The following TSNARE1 variants were observed in gnomAD, a reference collection of about 807,000 sequenced individuals.
The protein encoded by TSNARE1 is t-SNARE domain containing 1, also known as t-SNARE domain-containing protein 1.
Under a neutral mutation model 62.0 loss-of-function variants are expected in TSNARE1, and 49 were observed. That is an observed-to-expected ratio of 0.79 (90% CI 0.63 to 1.00). The LOEUF (loss-of-function observed/expected upper bound fraction) is 1.00. Ranked by LOEUF, TSNARE1 falls within the 50% of genes least tolerant of loss-of-function variation. TSNARE1 has a pLI of 0.00. For synonymous variants in TSNARE1, 328 were observed against 294.4 expected, an observed-to-expected ratio of 1.11 and a Z score of -1.17; for missense variants, 755 against 700.1, an observed-to-expected ratio of 1.08 and a Z score of -0.88.
chr8:142,245,821 G>A (rs56720406), intron 12 of TSNARE1, among the ~76,000 whole-genome samples: 2,651 of 152,210 alleles, frequency 0.017, 69 homozygotes, highest in African/African-American at 0.054. Context: ...GGGTTAGGAG[G>A]TGGTTCATAG....
chr8:142,255,742 GTCACCATCACCACCACCA>G (rs1818445602), intron 12 of TSNARE1, among the ~76,000 whole-genome samples: 1 of 1,464 alleles, frequency 6.8e-4, no homozygotes, highest in Non-Finnish European at 2.0e-3. Context: ...CACCACCACT[GTCACCATCACCACCACCA>G]TCACCATCAC....
At chr8:142,295,106 C>T (rs886310246) in intron 10 of TSNARE1, among the ~76,000 whole-genome samples, 3 of 152,202 alleles carry the variant, frequency 2.0e-5, no homozygotes, top group Non-Finnish European at 4.4e-5. Flanking sequence ...GGAGTGAGTA[C>T]ACAGTGGAGA....
intron 9 of TSNARE1, among the ~76,000 whole-genome samples, chr8:142,307,213 G>A (rs906459563): frequency 9.8e-5 from 15 of 152,326 alleles, no homozygotes; most frequent in East Asian, 9.7e-4. Context: ...CGTTATGTCC[G>A]AGACATCACC....
chr8:142,372,732 G>T (rs1022322853), intron 1 of TSNARE1, among the ~76,000 whole-genome samples: 35 of 152,090 alleles, frequency 2.3e-4, no homozygotes, highest in African/African-American at 8.5e-4. Flanking sequence ...TCCTGAGAAG[G>T]CCACCCCACC....
chr8:142,286,872 C>A (rs762579072), intron 10 of TSNARE1, among the ~76,000 whole-genome samples: 1 of 152,212 alleles, frequency 6.6e-6, no homozygotes, highest in Non-Finnish European at 1.5e-5. Flanking sequence ...TGGCTCATGG[C>A]CTCAGGGACT....
intron 9 of TSNARE1, among the ~76,000 whole-genome samples, chr8:142,307,550 AAT>A (rs1563877829): frequency 2.6e-5 from 4 of 152,224 alleles, no homozygotes. Flanking sequence ...TATAATATTT[AAT>A]ATGATGTAAA....
chr8:142,311,367 G>A (rs532406360), intron 9 of TSNARE1, among the ~76,000 whole-genome samples: 6 of 144,914 alleles, frequency 4.1e-5, no homozygotes, highest in East Asian at 2.0e-4. Context: ...GCACAATCTC[G>A]GCTCACCACA....
At chr8:142,237,729 C>T (rs999772419) in intron 12 of TSNARE1, among the ~76,000 whole-genome samples, 1 of 152,198 alleles carries the variant, frequency 6.6e-6, no homozygotes, top group African/African-American at 2.4e-5. Flanking sequence ...AGGATGGAGT[C>T]ATGCGGTCCC....
chr8:142,240,594 G>T (rs1430180280), intron 12 of TSNARE1, among the ~76,000 whole-genome samples: 1 of 152,178 alleles, frequency 6.6e-6, no homozygotes, highest in Non-Finnish European at 1.5e-5. Flanking sequence ...AAAGTTCTAG[G>T]CTATAAAGCA....
intron 12 of TSNARE1, among the ~76,000 whole-genome samples, chr8:142,237,372 G>A (rs1360940723): frequency 2.6e-5 from 4 of 152,300 alleles, no homozygotes; most frequent in East Asian, 3.9e-4. Context: ...ACTGGCACAC[G>A]GGCGGCTCGT....
intron 12 of TSNARE1, chr8:142,269,356 G>A: frequency 1.1e-6 from 1 of 869,612 alleles, no homozygotes; most frequent in Non-Finnish European, 1.4e-6. Context: ...ACTGCAGTCA[G>A]GACACAGTGT....
At chr8:142,349,376 G>T (rs1201999994) in intron 2 of TSNARE1, among the ~76,000 whole-genome samples, 1 of 152,096 alleles carries the variant, frequency 6.6e-6, no homozygotes, top group Non-Finnish European at 1.5e-5. Context: ...AGTTTCTAGG[G>T]AAATTTCTAA....
chr8:142,304,441 C>G (rs1306573935), intron 9 of TSNARE1, among the ~76,000 whole-genome samples: 1 of 152,244 alleles, frequency 6.6e-6, no homozygotes, highest in African/African-American at 2.4e-5. Context: ...AGCAGCGGCA[C>G]TCACAGCCCC....
chr8:142,388,157 T>C (rs891449538), intron 1 of TSNARE1, among the ~76,000 whole-genome samples: 1 of 152,144 alleles, frequency 6.6e-6, no homozygotes, highest in African/African-American at 2.4e-5. Flanking sequence ...AAAAAAATCA[T>C]ATGATCACCC....
intron 13 of TSNARE1, among the ~76,000 whole-genome samples, chr8:142,217,243 CA>C: frequency 7.1e-6 from 1 of 140,502 alleles, no homozygotes; most frequent in South Asian, 2.3e-4. Context: ...GACTCTGTCT[CA>C]AAAATAAAAT....
Position 142,219,539 on chromosome 8 carries a change from C to G in TSNARE1, c.*12-7226G>C, listed in dbSNP as rs113062372. On this transcript the variant is annotated intron_variant, in intron 13 of 13. Transcript: ENST00000524325. Reference sequence around the variant, plus strand: ...AGGTGGACCCGGCCAGGTGGGGACTCAAACCCAGGGCCATGGGCCACAGGG... The same window carrying G: ...AGGTGGACCCGGCCAGGTGGGGACTGAAACCCAGGGCCATGGGCCACAGGG... Among the ~76,000 whole-genome samples the G allele has an allele frequency of 8.5e-5, 13 of 152,332 alleles. 1 individual carries two copies. Among genetic ancestry groups the G allele is most frequent in the African/African-American group, 2.9e-4 (12 of 41,586 alleles).
chr8:142,255,275 A>G (rs575127861), intron 12 of TSNARE1, among the ~76,000 whole-genome samples: 38 of 151,804 alleles, frequency 2.5e-4, no homozygotes, highest in African/African-American at 9.2e-4. Context: ...CCTAATACCT[A>G]CCATCACCAA....
At chr8:142,327,315 G>C (rs1302143315) in intron 6 of TSNARE1, among the ~76,000 whole-genome samples, 1 of 151,474 alleles carries the variant, frequency 6.6e-6, no homozygotes, top group African/African-American at 2.4e-5. Context: ...GACAGAGAGG[G>C]GGCGGTTCTA....
chr8:142,394,063 G>A (rs976959829), intron 1 of TSNARE1, among the ~76,000 whole-genome samples: 3 of 152,322 alleles, frequency 2.0e-5, no homozygotes, highest in East Asian at 1.9e-4. Context: ...CTCTGCCCAC[G>A]CTGGCTGCCC....
Sources: allele counts gnomAD v4.1 joint callset (sites outside exome capture counted in the v4.1 genomes callset), GRCh38; gene constraint gnomAD v4.1.1; transcripts MANE v1.5; gene names NCBI Gene and HGNC (gene_info 2026-07-23, HGNC 2026-07-21).